CAP2: variants seen among roughly 807,000 people sequenced by gnomAD.
CAP2 encodes the protein cyclase associated actin cytoskeleton regulatory protein 2.
In CAP2, 24 loss-of-function variants were observed where a neutral mutation model predicts 57.7. That is an observed-to-expected ratio of 0.42 (90% CI 0.30 to 0.58). The LOEUF (loss-of-function observed/expected upper bound fraction) is 0.58. Among genes scored for constraint, CAP2 ranks in the 20% least tolerant of loss-of-function variants. The probability of loss-of-function intolerance (pLI) is 0.22; values close to 1 mark genes in which losing one functional copy is unlikely to be tolerated. For synonymous variants in CAP2, 194 were observed against 207.2 expected, an observed-to-expected ratio of 0.94 and a Z score of 0.55; for missense variants, 501 against 590.3, an observed-to-expected ratio of 0.85 and a Z score of 1.57.
chr6:17,483,644 C>T (rs3777700), intron 4 of CAP2, among the ~76,000 whole-genome samples: 99,891 of 152,124 alleles, frequency 0.66, 35,263 homozygotes, highest in East Asian at 0.97. Context: ...GACGGGAATG[C>T]AAACCCTCAT....
rs1168843476 is a variant in CAP2, at chr6:17,503,625, A to AC, written c.301-3544_301-3543insC. ...ATCTCAAAAAAAAAAAAAAAAAAAA[A>AC]GACACCAGTCATATTGGATTGAAGC... On this transcript the variant is annotated intron_variant, in intron 4 of 12. Coordinates refer to ENST00000229922, the MANE Select transcript of CAP2 (RefSeq NM_006366.3). Among the ~76,000 whole-genome samples, 27 of 150,074 alleles carry AC rather than the reference A, an allele frequency of 1.8e-4. 1 individual carries two copies. Among genetic ancestry groups the AC allele is most frequent in the African/African-American group, 6.6e-4 (27 of 40,748 alleles).
At chr6:17,473,135 T>C (rs1001331362) in intron 4 of CAP2, among the ~76,000 whole-genome samples, 1 of 152,094 alleles carries the variant, frequency 6.6e-6, no homozygotes, top group African/African-American at 2.4e-5. Context: ...AGTGAGGTGG[T>C]TATCACACCC....
chr6:17,524,841 T>TA (rs1554129109), intron 7 of CAP2, among the ~76,000 whole-genome samples: 1 of 151,964 alleles, frequency 6.6e-6, no homozygotes, highest in Non-Finnish European at 1.5e-5. Context: ...GCCTGCCTCA[T>TA]ACCTTAATAA....
chr6:17,440,612 GTGGTGTGTGTGT>G (rs1450030001), intron 3 of CAP2, among the ~76,000 whole-genome samples: 4 of 72,798 alleles, frequency 5.5e-5, no homozygotes, highest in Admixed American at 1.6e-4. Context: ...CAAACTGTGT[GTGGTGTGTGTGT>G]GTGTGTGTGT....
intron 3 of CAP2, among the ~76,000 whole-genome samples, chr6:17,459,167 G>GA (rs1760659222): frequency 6.6e-6 from 1 of 152,180 alleles, no homozygotes; most frequent in Admixed American, 6.5e-5. Context: ...AGTCGGAAGG[G>GA]ACCACTCCAT....
At chr6:17,457,250 C>T (rs148349029) in intron 3 of CAP2, among the ~76,000 whole-genome samples, 1 of 152,304 alleles carries the variant, frequency 6.6e-6, no homozygotes, top group East Asian at 1.9e-4. Flanking sequence ...CTTTCTGAGC[C>T]CTGCACACAT....
At chr6:17,496,030 G>GGGGT (rs1561804637) in intron 4 of CAP2, among the ~76,000 whole-genome samples, 6 of 41,210 alleles carry the variant, frequency 1.5e-4, no homozygotes, top group Admixed American at 5.8e-4. Context: ...GTGTGGGTGG[G>GGGGT]GGGGGGGGGT....
chr6:17,494,867 A>T (rs1761626767), intron 4 of CAP2, among the ~76,000 whole-genome samples: 2 of 152,218 alleles, frequency 1.3e-5, no homozygotes, highest in African/African-American at 4.8e-5. Context: ...ATAGAACAAA[A>T]GTCTGACCCT....
At chr6:17,477,424 G>C (rs552232226) in intron 4 of CAP2, among the ~76,000 whole-genome samples, 1 of 152,118 alleles carries the variant, frequency 6.6e-6, no homozygotes, top group Non-Finnish European at 1.5e-5. Flanking sequence ...TGCTCATAAC[G>C]AGTGCTCAAC....
At chr6:17,402,572 A>T (rs952923963) in intron 1 of CAP2, among the ~76,000 whole-genome samples, 1 of 152,258 alleles carries the variant, frequency 6.6e-6, no homozygotes, top group Non-Finnish European at 1.5e-5. Flanking sequence ...CAAATAAAAA[A>T]TAGACATTTT....
rs146686196 is a variant in CAP2, at chr6:17,533,846, G to C, written c.637-5423G>C. Among the ~76,000 whole-genome samples the C allele has an allele frequency of 2.0e-5, 3 of 152,244 alleles. No homozygotes were observed. In the South Asian group the frequency reaches 6.2e-4, roughly 32 times the overall value. Reference sequence around the variant, plus strand: ...CTCCCAAAGTACTGTGATTACAGGCGTGAGCCACTGCGCCCAGCCTCATTT... The same window carrying C: ...CTCCCAAAGTACTGTGATTACAGGCCTGAGCCACTGCGCCCAGCCTCATTT... On this transcript the variant is annotated intron_variant, in intron 7 of 12. Coordinates refer to ENST00000229922, the MANE Select transcript of CAP2 (RefSeq NM_006366.3).
intron 4 of CAP2, 109 bp from the exon 5 acceptor site, chr6:17,507,060 C>T (rs1762005905): frequency 9.8e-7 from 1 of 1,024,714 alleles, no homozygotes; most frequent in Non-Finnish European, 1.5e-6. Flanking sequence ...CTTTTAGACC[C>T]CTTAACAGAC....
intron 7 of CAP2, chr6:17,536,330 G>A: frequency 2.2e-6 from 1 of 456,686 alleles, no homozygotes; most frequent in Non-Finnish European, 4.4e-6. Context: ...TTGATTTCGA[G>A]TCCACTGTAC....
chr6:17,545,021 G>A (rs768453011), intron 11 of CAP2, among the ~76,000 whole-genome samples: 1 of 152,212 alleles, frequency 6.6e-6, no homozygotes, highest in African/African-American at 2.4e-5. Flanking sequence ...ACTTTCTGAA[G>A]AGCTATTTTG....
intron 4 of CAP2, among the ~76,000 whole-genome samples, chr6:17,500,643 C>T (rs1011694096): frequency 3.3e-5 from 5 of 151,956 alleles, no homozygotes; most frequent in African/African-American, 1.2e-4. Context: ...CACATGCAAA[C>T]TTAACAGCCC....
rs895100122 is a variant in CAP2, at chr6:17,557,172, T to C, written c.*730T>C. On this transcript the variant is annotated 3_prime_UTR_variant, in exon 13 of 13. Coordinates refer to ENST00000229922, the MANE Select transcript of CAP2 (RefSeq NM_006366.3). ...CAAAAACATTAAACAGAAGAAATCA[T>C]TTTTTTTGCTATGTAATACCTCGCA... is the stretch of plus-strand genomic sequence containing the variant. The C allele has an allele frequency of 3.8e-5, 1 of 26,548 alleles. No homozygotes were observed. Among genetic ancestry groups the C allele is most frequent in the Non-Finnish European group, 7.1e-5 (1 of 14,016 alleles). 1.6% of individuals were successfully genotyped at this position (26,548 alleles called of 1,614,324 possible). A position where few individuals can be genotyped will look rare whatever the true frequency, so the allele number is the denominator to read the frequency against.
At chr6:17,547,144 A>G (rs1763065937) in intron 11 of CAP2, among the ~76,000 whole-genome samples, 1 of 152,226 alleles carries the variant, frequency 6.6e-6, no homozygotes. Context: ...GGACCTCTTC[A>G]AGGAGAACTA....
At chr6:17,546,553 A>T (rs1033419150) in intron 11 of CAP2, among the ~76,000 whole-genome samples, 2 of 151,988 alleles carry the variant, frequency 1.3e-5, no homozygotes, top group African/African-American at 4.8e-5. Flanking sequence ...GTTTAATTAG[A>T]TCCCATTTGT....
intron 3 of CAP2, among the ~76,000 whole-genome samples, chr6:17,445,848 T>C (rs530226923): frequency 2.6e-5 from 4 of 152,320 alleles, no homozygotes; most frequent in South Asian, 4.1e-4. Flanking sequence ...TGGAAAGATA[T>C]CGAACAGCAC....
Sources: allele counts gnomAD v4.1 joint callset (sites outside exome capture counted in the v4.1 genomes callset), GRCh38; gene constraint gnomAD v4.1.1; transcripts MANE v1.5; gene names NCBI Gene and HGNC (gene_info 2026-07-23, HGNC 2026-07-21).